Variants in FRMD4B observed in about 807,000 individuals in gnomAD.
The protein encoded by FRMD4B is FERM domain-containing protein 4B.
FRMD4B carries 74 observed loss-of-function variants against 141.5 expected under a neutral mutation model. The ratio of observed to expected loss-of-function variants is 0.52; its 90% confidence interval spans 0.43 to 0.63. The LOEUF (loss-of-function observed/expected upper bound fraction) is 0.63. Ranked by LOEUF, FRMD4B falls within the 30% of genes least tolerant of loss-of-function variation. The pLI is 0.00. For synonymous variants in FRMD4B, 506 were observed against 467.9 expected, an observed-to-expected ratio of 1.08 and a Z score of -1.05; for missense variants, 1,366 against 1,253.4, an observed-to-expected ratio of 1.09 and a Z score of -1.36.
intron 1 of FRMD4B, among the ~76,000 whole-genome samples, chr3:69,496,637 A>AGAGAGAGAGAGAGAGAGAGAG (rs1706399949): frequency 1.8e-5 from 1 of 56,474 alleles, no homozygotes; most frequent in Non-Finnish European, 3.3e-5. Context: ...GAGAGAGAGA[A>AGAGAGAGAGAGAGAGAGAGAG]AGAGAGAGAG....
intron 1 of FRMD4B, among the ~76,000 whole-genome samples, chr3:69,345,827 T>A (rs1366344275): frequency 6.6e-6 from 1 of 151,948 alleles, no homozygotes; most frequent in Non-Finnish European, 1.5e-5. Context: ...CAAAACCCCA[T>A]CTGTACGTCA....
chr3:69,522,945 C>T (rs781309394), intron 1 of FRMD4B, among the ~76,000 whole-genome samples: 2 of 152,094 alleles, frequency 1.3e-5, no homozygotes, highest in Non-Finnish European at 2.9e-5. Flanking sequence ...CAAGAGGTTG[C>T]AAACCCTAGG....
intron 1 of FRMD4B, among the ~76,000 whole-genome samples, chr3:69,517,083 T>A (rs1700772334): frequency 6.6e-6 from 1 of 152,130 alleles, no homozygotes; most frequent in African/African-American, 2.4e-5. Context: ...GGCAGTATCT[T>A]AAGGATGAGA....
At position 69,187,767 on chromosome 3, in the gene FRMD4B, C is replaced by T. The variant is rs1235720185; in HGVS notation, c.1919+3G>A. The T allele has an allele frequency of 2.5e-6, 4 of 1,610,582 alleles. No individual in the cohort carries two copies. Among genetic ancestry groups the T allele is most frequent in the Admixed American group, 3.4e-5 (2 of 59,218 alleles). On this transcript the variant is annotated splice_donor_region_variant and intron_variant, in intron 19 of 22. Transcript: ENST00000398540. ...TAACCTTACTGATGATATGACCTCT[C>T]ACCTGGACTGCCTGGTATCCACAAA...
chr3:69,216,384 G>T, intron 10 of FRMD4B, 35 bp from the exon 11 acceptor site: 1 of 995,976 alleles, frequency 1.0e-6, no homozygotes, highest in Non-Finnish European at 1.6e-6. Flanking sequence ...CCAAGACCTA[G>T]CTGTTAACTC....
intron 1 of FRMD4B, among the ~76,000 whole-genome samples, chr3:69,472,844 G>C (rs942240491): frequency 1.3e-5 from 2 of 151,908 alleles, no homozygotes; most frequent in African/African-American, 4.8e-5. Flanking sequence ...GTCATATTGG[G>C]AGTAGAGGGC....
chr3:69,377,440 C>T (rs1483528114), intron 1 of FRMD4B, among the ~76,000 whole-genome samples: 1 of 152,196 alleles, frequency 6.6e-6, no homozygotes, highest in Non-Finnish European at 1.5e-5. Flanking sequence ...TCTTCACTTT[C>T]TTCCTGCTGC....
intron 1 of FRMD4B, among the ~76,000 whole-genome samples, chr3:69,496,637 AAGAG>A (rs1169584495): frequency 0.12 from 6,560 of 55,790 alleles, 255 homozygotes; most frequent in East Asian, 0.22. Flanking sequence ...GAGAGAGAGA[AAGAG>A]AGAGAGAGAG....
At chr3:69,268,615 G>T (rs900324768) in intron 5 of FRMD4B, among the ~76,000 whole-genome samples, 2 of 151,976 alleles carry the variant, frequency 1.3e-5, no homozygotes, top group African/African-American at 2.4e-5. Context: ...AAGAAAAAAT[G>T]CAAGGTGCTT....
At chr3:69,508,806 G>A (rs191117656) in intron 1 of FRMD4B, among the ~76,000 whole-genome samples, 7 of 152,166 alleles carry the variant, frequency 4.6e-5, no homozygotes, top group Admixed American at 2.0e-4. Context: ...CATCACTCTG[G>A]GTCAGGCACA....
At chr3:69,404,243 A>T (rs1704616467) in intron 2 of FRMD4B, among the ~76,000 whole-genome samples, 2 of 152,222 alleles carry the variant, frequency 1.3e-5, no homozygotes, top group African/African-American at 4.8e-5. Context: ...AATCGCAAAT[A>T]GAAAATACAG....
intron 3 of FRMD4B, among the ~76,000 whole-genome samples, chr3:69,303,446 T>A (rs1661190922): frequency 6.6e-6 from 1 of 152,114 alleles, no homozygotes; most frequent in Non-Finnish European, 1.5e-5. Context: ...TTTTAAAAAT[T>A]AAACAAAGAA....
chr3:69,534,405 A>T (rs1010007263), intron 1 of FRMD4B, among the ~76,000 whole-genome samples: 1 of 152,186 alleles, frequency 6.6e-6, no homozygotes, highest in Non-Finnish European at 1.5e-5. Context: ...TCTATCTATC[A>T]TCTAAAATTA....
intron 2 of FRMD4B, among the ~76,000 whole-genome samples, chr3:69,312,441 T>C (rs1701632006): frequency 1.3e-5 from 2 of 152,188 alleles, no homozygotes; most frequent in Non-Finnish European, 2.9e-5. Flanking sequence ...CTAAGCATAG[T>C]GGGCTAGGGA....
At chr3:69,184,335 A>AT (rs1356551727) in intron 19 of FRMD4B, among the ~76,000 whole-genome samples, 1 of 152,220 alleles carries the variant, frequency 6.6e-6, no homozygotes. Context: ...AAAACATGAG[A>AT]TTTACTATAT....
chr3:69,277,924 C>T (rs1487107365), intron 5 of FRMD4B, among the ~76,000 whole-genome samples: 1 of 151,438 alleles, frequency 6.6e-6, no homozygotes, highest in Non-Finnish European at 1.5e-5. Flanking sequence ...GGCCCGATCT[C>T]GGCTCACTAC....
chr3:69,379,333 C>T (rs1253390190), intron 1 of FRMD4B, among the ~76,000 whole-genome samples: 3 of 152,128 alleles, frequency 2.0e-5, no homozygotes, highest in Non-Finnish European at 4.4e-5. Flanking sequence ...GGCTGAAATG[C>T]GGTGGCACAA....
chr3:69,199,993 G>GT (rs1553699706), intron 11 of FRMD4B, among the ~76,000 whole-genome samples: 1 of 530 alleles, frequency 1.9e-3, no homozygotes, highest in African/African-American at 2.6e-3. Flanking sequence ...ACAGCAGAGA[G>GT]TTTCATTATA....
chr3:69,525,676 G>A (rs1700921117), intron 1 of FRMD4B, among the ~76,000 whole-genome samples: 1 of 151,844 alleles, frequency 6.6e-6, no homozygotes, highest in Non-Finnish European at 1.5e-5. Flanking sequence ...TTTTGAGACC[G>A]AGCCTCATTC....
Sources: gnomAD v4.1 joint callset for allele counts (sites outside exome capture counted in the v4.1 genomes callset) on GRCh38, gnomAD v4.1.1 for gene constraint, MANE v1.5 for transcripts, NCBI Gene and HGNC (gene_info 2026-07-23, HGNC 2026-07-21) for gene names.